The following PRDM2 variants were observed in gnomAD, a reference collection of about 807,000 sequenced individuals.
PRDM2 encodes PR domain zinc finger protein 2.
Under a neutral mutation model 130.0 loss-of-function variants are expected in PRDM2, and 30 were observed. The ratio of observed to expected loss-of-function variants is 0.23; its 90% CI spans 0.17 to 0.31. PRDM2 has a LOEUF of 0.31. Among genes scored for constraint, PRDM2 ranks in the 10% least tolerant of loss-of-function variants. The probability of loss-of-function intolerance (pLI) is 1.00; values close to 1 mark genes in which losing one functional copy is unlikely to be tolerated. For synonymous variants in PRDM2, 871 were observed against 782.4 expected (o/e 1.11, Z -1.89); for missense variants, 2,011 against 2,108.4 (o/e 0.95, Z 0.90).
chr1:13,808,795 C>G (rs1311786818), intron 8 of PRDM2, among the ~76,000 whole-genome samples: 1 of 152,200 alleles, frequency 6.6e-6, no homozygotes, highest in South Asian at 2.1e-4. Flanking sequence ...GACCTTACGG[C>G]CCCCTGGGGA....
chr1:13,714,044 A>G (rs1366718006), intron 1 of PRDM2, among the ~76,000 whole-genome samples: 1 of 151,714 alleles, frequency 6.6e-6, no homozygotes, highest in Non-Finnish European at 1.5e-5. Flanking sequence ...AATTTTTTGT[A>G]TTTTTTAGTA....
chr1:13,793,194 A>T (rs1644868559), intron 8 of PRDM2, among the ~76,000 whole-genome samples: 1 of 152,250 alleles, frequency 6.6e-6, no homozygotes, highest in African/African-American at 2.4e-5. Flanking sequence ...TGCTGCCCAC[A>T]GAGTGACCAG....
chr1:13,751,063 G>C (rs1236355773), intron 6 of PRDM2, among the ~76,000 whole-genome samples: 1 of 151,928 alleles, frequency 6.6e-6, no homozygotes, highest in Admixed American at 6.6e-5. Flanking sequence ...TTCTCTGTTT[G>C]GCATACTTTA....
intron 4 of PRDM2, among the ~76,000 whole-genome samples, chr1:13,736,157 A>G (rs995040524): frequency 7.0e-6 from 1 of 142,984 alleles, no homozygotes; most frequent in African/African-American, 2.6e-5. Context: ...TCTGTCACCC[A>G]GGCTGAAATG....
At chr1:13,703,993 A>G (rs1476080202) in intron 1 of PRDM2, among the ~76,000 whole-genome samples, 2 of 152,264 alleles carry the variant, frequency 1.3e-5, no homozygotes, top group East Asian at 3.8e-4. Context: ...TGTGGAAAAC[A>G]TGCAGCATTA....
intron 1 of PRDM2, among the ~76,000 whole-genome samples, chr1:13,704,530 A>T (rs1642151673): frequency 6.6e-6 from 1 of 152,204 alleles, no homozygotes; most frequent in South Asian, 2.1e-4. Context: ...GCAATAAATC[A>T]TACTCTGGGT....
rs572362149 is a variant in PRDM2 at position 13,749,802 on chromosome 1, C to T, written c.511+315C>T. 2.4e-3 allele frequency among the ~76,000 whole-genome samples: 361 copies of T among 152,186 alleles called. 2 individuals are homozygous for T. The highest frequency in any genetic ancestry group is 8.4e-3 in the African/African-American group (350 of 41,564). ...TCCTGGGCGGCAGAAAGTGCGCGGA[C>T]GGCGTTCCGGGGCCGGACGTTCCCC... On this transcript the variant is annotated intron_variant, in intron 6 of 9. Transcript: ENST00000311066.
Position 13,789,851 on chromosome 1 carries a change from T to G in PRDM2, c.5036+7020T>G, listed in dbSNP as rs538905666. 2.0e-5 allele frequency among the ~76,000 whole-genome samples: 3 copies of G among 152,354 alleles called. No individual in the cohort carries two copies. The South Asian group carries it at 6.2e-4, about 32-fold the overall frequency. On this transcript the variant is annotated intron_variant, in intron 8 of 9. Transcript: ENST00000311066. ...CAGGCTGATAGTTACAGAAAATGGT[T>G]TATCGTTCCCCGTCAGCCTTTACAG...
chr1:13,818,851 C>T (rs572338642), intron 9 of PRDM2, among the ~76,000 whole-genome samples: 3 of 152,046 alleles, frequency 2.0e-5, no homozygotes, highest in Non-Finnish European at 4.4e-5. Context: ...GAGAGGGGAA[C>T]CTGGAGACTT....
chr1:13,744,288 T>C (rs887736620), intron 5 of PRDM2, among the ~76,000 whole-genome samples: 1 of 152,218 alleles, frequency 6.6e-6, no homozygotes, highest in Non-Finnish European at 1.5e-5. Flanking sequence ...GGTGTGACCT[T>C]ATTAGCTTTG....
At chr1:13,769,817 G>A (rs1376135567) in intron 6 of PRDM2, among the ~76,000 whole-genome samples, 1 of 152,168 alleles carries the variant, frequency 6.6e-6, no homozygotes. Flanking sequence ...TGTATAGACC[G>A]TCGAGTGTGA....
At chr1:13,732,755 A>G (rs1375570424) in intron 3 of PRDM2, 24 bp from the exon 4 acceptor site, 1 of 1,475,716 alleles carries the variant, frequency 6.8e-7, no homozygotes, top group Admixed American at 2.0e-5. Context: ...GATACATTAT[A>G]AAAATACTGA....
intron 8 of PRDM2, chr1:13,787,904 T>C (rs866116554): frequency 1.0e-6 from 1 of 985,116 alleles, no homozygotes; most frequent in African/African-American, 1.7e-5. Context: ...AGGTTAATTA[T>C]AGATAGACAA....
intron 2 of PRDM2, among the ~76,000 whole-genome samples, chr1:13,723,674 G>C (rs1642808632): frequency 6.6e-6 from 1 of 152,162 alleles, no homozygotes; most frequent in Admixed American, 6.5e-5. Context: ...TCTTTGATAA[G>C]GGCATTCTGA....
At chr1:13,792,043 G>A (rs1235975881) in intron 8 of PRDM2, among the ~76,000 whole-genome samples, 2 of 152,194 alleles carry the variant, frequency 1.3e-5, no homozygotes, top group South Asian at 2.1e-4. Flanking sequence ...TGCCACCTGA[G>A]TTACTCAGTG....
rs1213397413 is a variant in PRDM2 at position 13,749,443 on chromosome 1, G to A, written c.467G>A (p.Arg156Gln). ...PEIAAAIEEE[R>Q]ASARSKRSSP... ...ATAGCAGCTGCGATTGAGGAAGAGC[G>A]AGCCAGCGCCCGGAGCAAGCGGAGC... The change falls in exon 6 of 10, where the codon CGA (arginine) becomes CAA (glutamine). Residue 156 changes from arginine (R) to glutamine (Q), a missense_variant. This residue lies in a region of PRDM2 where 1,288 missense variants were observed against 1,237.7 expected (regional missense o/e 1.04). Transcript: ENST00000311066. 3 of 1,512,526 alleles carry A rather than the reference G, an allele frequency of 2.0e-6. No individual in the cohort carries two copies. Among genetic ancestry groups the A allele is most frequent in the South Asian group, 1.1e-5 (1 of 87,994 alleles). 93.7% of individuals were successfully genotyped at this position (1,512,526 alleles called of 1,614,324 possible).
chr1:13,781,205 A>G lies in PRDM2; in HGVS notation c.3410A>G (p.Asn1137Ser). Residue 1137 changes from asparagine (N) to serine (S), a missense_variant, in exon 8 of 10, where the codon AAC becomes AGC. Around this residue, in one of 5 missense-constraint regions of PRDM2, gnomAD observed 229 missense variants for 364.1 expected, o/e 0.63. Coordinates refer to ENST00000311066, the MANE Select transcript of PRDM2 (RefSeq NM_001393986.1). The surrounding 1 kb of genome is among the most constrained non-coding windows in gnomAD (Gnocchi z 6.1). ...ACATTCAACAAAAACTTTGTTTGCA[A>G]CGTCTGTGAATCACCTTTTCTTTCC... The part of the protein sequence containing the change: ...QETFNKNFVC[N>S]VCESPFLSIK... 2.5e-6 allele frequency: 4 copies of G among 1,614,210 alleles called. No individual in the cohort carries two copies. The highest frequency in any genetic ancestry group is 1.1e-5 in the South Asian group (1 of 91,080).
chr1:13,755,351 A>G (rs1253032081), intron 6 of PRDM2, among the ~76,000 whole-genome samples: 2 of 152,292 alleles, frequency 1.3e-5, no homozygotes, highest in Non-Finnish European at 2.9e-5. Flanking sequence ...AAAGTTTTAA[A>G]TATCATAATT....
In PRDM2 at chr1:13,823,275, G is replaced by A. The variant is rs771383210; in HGVS notation, c.*140G>A. The stretch of plus-strand genomic sequence containing the variant: ...AGAGAAAGGGAGTGCATGTGCGCGC[G>A]TGCATGTGTGCGTGCGTGTGTGTTC... On this transcript the variant is annotated 3_prime_UTR_variant, in exon 10 of 10. Coordinates refer to ENST00000311066, the MANE Select transcript of PRDM2 (RefSeq NM_001393986.1). The A allele has an allele frequency of 8.8e-5, 124 of 1,403,388 alleles. No homozygotes were observed. The highest frequency in any genetic ancestry group is 1.1e-4 in the Non-Finnish European group (112 of 998,798). 86.9% of individuals were successfully genotyped at this position (1,403,388 alleles called of 1,614,324 possible). A position where few individuals can be genotyped will look rare whatever the true frequency, so the allele number is the denominator to read the frequency against.
Sources: allele counts gnomAD v4.1 joint callset (sites outside exome capture counted in the v4.1 genomes callset), GRCh38; gene constraint gnomAD v4.1.1; regional missense constraint gnomAD v4.1.1; non-coding constraint Gnocchi (gnomAD v3.1); transcripts MANE v1.5; gene names NCBI Gene and HGNC (gene_info 2026-07-23, HGNC 2026-07-21).